Variants in DPP10 observed in about 807,000 individuals in gnomAD.
DPP10 encodes the protein inactive dipeptidyl peptidase 10.
DPP10 carries 33 observed loss-of-function variants against 120.9 expected under a neutral mutation model. The observed-to-expected ratio is 0.27, with a 90% CI of 0.21 to 0.37. The LOEUF is 0.37. Ranked by LOEUF, DPP10 falls within the 10% of genes least tolerant of loss-of-function variation. The pLI, the probability that DPP10 is intolerant of heterozygous loss-of-function variation, is 1.00. For missense variants in DPP10, 816 were observed against 942.8 expected, an observed-to-expected ratio of 0.87 and a Z score of 1.76; for synonymous variants, 337 against 326.1, an observed-to-expected ratio of 1.03 and a Z score of -0.36.
At chr2:114,928,586 CT>C (rs1695818490) in intron 1 of DPP10, among the ~76,000 whole-genome samples, 1 of 152,138 alleles carries the variant, frequency 6.6e-6, no homozygotes, top group Non-Finnish European at 1.5e-5. Flanking sequence ...ATGCCTGTGG[CT>C]TTTCCAGCCT....
At chr2:115,679,752 T>A (rs1262683142) in intron 5 of DPP10, among the ~76,000 whole-genome samples, 1 of 152,140 alleles carries the variant, frequency 6.6e-6, no homozygotes, top group Non-Finnish European at 1.5e-5. Flanking sequence ...CACAAAAAGA[T>A]AAATACCATG....
intron 5 of DPP10, among the ~76,000 whole-genome samples, chr2:115,577,962 A>G (rs768598328): frequency 6.6e-6 from 1 of 152,224 alleles, no homozygotes; most frequent in Non-Finnish European, 1.5e-5. Flanking sequence ...TCAGCTCATA[A>G]CATTATTACA....
intron 1 of DPP10, among the ~76,000 whole-genome samples, chr2:114,716,226 T>C (rs774534209): frequency 6.6e-6 from 1 of 152,174 alleles, no homozygotes; most frequent in Non-Finnish European, 1.5e-5. Flanking sequence ...AAATTAGTAT[T>C]ACAGCTAGCC....
chr2:115,554,651 G>A (rs1297418007), intron 5 of DPP10, among the ~76,000 whole-genome samples: 6 of 151,958 alleles, frequency 3.9e-5, no homozygotes, highest in Non-Finnish European at 5.9e-5. Context: ...GAATCCTTCC[G>A]AAAACATCTT....
chr2:115,067,242 T>C (rs756894997), intron 1 of DPP10, among the ~76,000 whole-genome samples: 30 of 151,998 alleles, frequency 2.0e-4, no homozygotes, highest in Non-Finnish European at 3.8e-4. Context: ...TGTCCTTTTT[T>C]TTGTTTGTTT....
At chr2:115,510,784 T>C (rs1422452416) in intron 4 of DPP10, among the ~76,000 whole-genome samples, 1 of 152,158 alleles carries the variant, frequency 6.6e-6, no homozygotes, top group Non-Finnish European at 1.5e-5. Flanking sequence ...ACAATGTCTT[T>C]TAATTTATTT....
At chr2:114,741,130 G>A (rs1383758066) in intron 1 of DPP10, among the ~76,000 whole-genome samples, 6 of 152,118 alleles carry the variant, frequency 3.9e-5, no homozygotes, top group African/African-American at 1.4e-4. Context: ...GAATCATTGA[G>A]CTTATAGAAG....
At chr2:115,358,329 A>C (rs193288865) in intron 3 of DPP10, among the ~76,000 whole-genome samples, 1 of 152,186 alleles carries the variant, frequency 6.6e-6, no homozygotes, top group African/African-American at 2.4e-5. Flanking sequence ...AAATGCTGCC[A>C]GTCTCTTTGC....
intron 3 of DPP10, among the ~76,000 whole-genome samples, chr2:115,464,276 A>T (rs2074170547): frequency 6.6e-6 from 1 of 152,154 alleles, no homozygotes; most frequent in Non-Finnish European, 1.5e-5. Context: ...TAAATATTTA[A>T]CTCATGAATC....
At chr2:115,702,305 A>G (rs28520959) in intron 7 of DPP10, among the ~76,000 whole-genome samples, 9,110 of 152,054 alleles carry the variant, frequency 0.06, 746 homozygotes, top group African/African-American at 0.19. Context: ...TCCTCAAACA[A>G]TTAAACAGAA....
chr2:115,352,193 T>A (rs1479263972), intron 3 of DPP10, among the ~76,000 whole-genome samples: 1 of 152,054 alleles, frequency 6.6e-6, no homozygotes, highest in Non-Finnish European at 1.5e-5. Context: ...AACTTTAGAA[T>A]AAAGAAGCTA....
At chr2:115,374,410 C>G (rs1574604082) in intron 3 of DPP10, among the ~76,000 whole-genome samples, 2 of 152,308 alleles carry the variant, frequency 1.3e-5, no homozygotes, top group Admixed American at 1.3e-4. Context: ...GGATACAGCC[C>G]TTTGGCTGCT....
At chr2:115,447,543 G>A (rs1287863476) in intron 3 of DPP10, among the ~76,000 whole-genome samples, 1 of 152,144 alleles carries the variant, frequency 6.6e-6, no homozygotes, top group African/African-American at 2.4e-5. Context: ...GTCAAGGGAG[G>A]GACCTGGTGG....
intron 5 of DPP10, among the ~76,000 whole-genome samples, chr2:115,588,326 C>G (rs1267277853): frequency 6.6e-6 from 1 of 152,114 alleles, no homozygotes; most frequent in Non-Finnish European, 1.5e-5. Flanking sequence ...TTCATTTATT[C>G]ATATAGCATA....
At chr2:114,901,614 A>C (rs1693580046) in intron 1 of DPP10, among the ~76,000 whole-genome samples, 1 of 152,330 alleles carries the variant, frequency 6.6e-6, no homozygotes, top group East Asian at 1.9e-4. Context: ...TCCTAATTGA[A>C]GAGGACTGAA....
chr2:115,002,475 A>C (rs1358606819), intron 1 of DPP10, among the ~76,000 whole-genome samples: 1 of 152,190 alleles, frequency 6.6e-6, no homozygotes, highest in Non-Finnish European at 1.5e-5. Context: ...AGATTTTATG[A>C]CAGAGTCCAA....
chr2:114,978,130 C>T (rs901967076), intron 1 of DPP10, among the ~76,000 whole-genome samples: 4 of 152,084 alleles, frequency 2.6e-5, no homozygotes, highest in African/African-American at 7.2e-5. Context: ...CAGTTTGGAT[C>T]GCTGTCCTGA....
chr2:115,468,616 C>T, intron 3 of DPP10: 1 of 385,186 alleles, frequency 2.6e-6, no homozygotes, highest in Non-Finnish European at 5.1e-6. Flanking sequence ...GGCACCATCT[C>T]CCATGAACAT....
intron 12 of DPP10, among the ~76,000 whole-genome samples, chr2:115,766,563 G>A (rs183811362): frequency 7.9e-5 from 12 of 151,564 alleles, no homozygotes; most frequent in Admixed American, 2.0e-4. Flanking sequence ...ACAAACAAAC[G>A]CATACATACA....
Sources: gnomAD v4.1 joint callset for allele counts (sites outside exome capture counted in the v4.1 genomes callset) on GRCh38, gnomAD v4.1.1 for gene constraint, MANE v1.5 for transcripts, NCBI Gene and HGNC (gene_info 2026-07-23, HGNC 2026-07-21) for gene names.